MTARC1: variants seen among roughly 807,000 people sequenced by gnomAD.
MTARC1 encodes mitochondrial amidoxime reducing component 1, also known as mitochondrial amidoxime-reducing component 1.
In MTARC1, 24 loss-of-function variants were observed where a neutral mutation model predicts 33.6. That is an observed-to-expected ratio of 0.72 (90% CI 0.52 to 1.01). The LOEUF is 1.01. MTARC1 is among the 50% of genes least tolerant of loss of function. The pLI is 0.00. For synonymous variants in MTARC1, 187 were observed against 189.5 expected (o/e 0.99, Z 0.11); for missense variants, 417 against 445.7 (o/e 0.94, Z 0.58).
chr1:220,805,318 G>C, intron 6 of MTARC1, 44 bp downstream of exon 6: 1 of 1,602,164 alleles, frequency 6.2e-7, no homozygotes, highest in Non-Finnish European at 8.5e-7. Context: ...TTAGGTGCCG[G>C]GAACGGAAGC....
intron 1 of MTARC1, among the ~76,000 whole-genome samples, chr1:220,788,402 C>T (rs1057216288): frequency 2.0e-5 from 3 of 152,204 alleles, no homozygotes; most frequent in African/African-American, 7.2e-5. Flanking sequence ...TTTCTCCTAC[C>T]AGCTCCCCAG....
At chr1:220,803,859 T>TGCGCTAATCCGCTGTGCCC (rs142717156) in intron 4 of MTARC1, among the ~76,000 whole-genome samples, 1 of 152,192 alleles carries the variant, frequency 6.6e-6, no homozygotes. Context: ...AGGCTGTGGC[T>TGCGCTAATCCGCTGTGCCC]GTGCTAATCC....
intron 4 of MTARC1, among the ~76,000 whole-genome samples, chr1:220,803,659 T>C (rs950439700): frequency 6.6e-6 from 1 of 151,980 alleles, no homozygotes; most frequent in Non-Finnish European, 1.5e-5. Flanking sequence ...AAGACTTTCC[T>C]GGGCTCATCA....
chr1:220,798,147 T>A, intron 4 of MTARC1, 133 bp downstream of exon 4: 1 of 1,605,086 alleles, frequency 6.2e-7, no homozygotes, highest in Middle Eastern at 1.7e-4. Context: ...CAATTTGATT[T>A]TTAGATTTAT....
intron 3 of MTARC1, 112 bp downstream of exon 3, chr1:220,796,917 T>C (rs2102594000): frequency 8.9e-7 from 1 of 1,122,702 alleles, no homozygotes. Flanking sequence ...AGCCCTCTGG[T>C]AGCTCAGATC....
At chr1:220,798,124 CTG>C (rs1325656531) in intron 4 of MTARC1, 110 bp downstream of exon 4, 3 of 1,610,686 alleles carry the variant, frequency 1.9e-6, no homozygotes, top group Admixed American at 1.7e-5. Context: ...TTTATCAACT[CTG>C]TAATACATAA....
At chr1:220,787,465 C>A (rs1181517936) in intron 1 of MTARC1, among the ~76,000 whole-genome samples, 1 of 152,190 alleles carries the variant, frequency 6.6e-6, no homozygotes, top group African/African-American at 2.4e-5. Context: ...ATCTCCACCT[C>A]CCACTGGCTC....
chr1:220,788,007 CAAAA>C (rs998849065), intron 1 of MTARC1, among the ~76,000 whole-genome samples: 2 of 150,550 alleles, frequency 1.3e-5, no homozygotes, highest in Non-Finnish European at 3.0e-5. Flanking sequence ...GACTCCGAAT[CAAAA>C]AAAGAAAGAA....
At chr1:220,798,201 G>A (rs1672682647) in intron 4 of MTARC1, 187 bp downstream of exon 4, 5 of 1,525,022 alleles carry the variant, frequency 3.3e-6, no homozygotes, top group Middle Eastern at 1.7e-4. Flanking sequence ...GGATACAAAT[G>A]TTGATGGGTC....
chr1:220,801,454 C>T (rs1672804478), intron 4 of MTARC1, among the ~76,000 whole-genome samples: 1 of 152,148 alleles, frequency 6.6e-6, no homozygotes, highest in Non-Finnish European at 1.5e-5. Flanking sequence ...GCTGTATCTC[C>T]AGCCCCTAGG....
At chr1:220,813,167 G>T in intron 6 of MTARC1, 125 bp from the exon 7 acceptor site, 1 of 1,319,090 alleles carries the variant, frequency 7.6e-7, no homozygotes, top group Non-Finnish European at 1.1e-6. Flanking sequence ...GTTCTGTTGA[G>T]CTTTGACGGG....
chr1:220,795,306 C>T (rs1277035543), intron 2 of MTARC1, among the ~76,000 whole-genome samples: 1 of 152,074 alleles, frequency 6.6e-6, no homozygotes, highest in East Asian at 1.9e-4. Flanking sequence ...AACTGAGTCT[C>T]AGAATAAGAA....
In MTARC1 at chr1:220,815,898, G is replaced by A. The variant is rs1297183612; in HGVS notation, c.*2480G>A. On this transcript the variant is annotated 3_prime_UTR_variant, in exon 7 of 7. Coordinates refer to ENST00000366910, the MANE Select transcript of MTARC1 (RefSeq NM_022746.4). The stretch of plus-strand genomic sequence containing the variant: ...TCACAAACTCAGAGCTGGAGGTCTT[G>A]AAAAGGACAATGTGGGCCAGGCTCC... 6.6e-6 allele frequency: 1 copy of A among 152,232 alleles called. No individual in the cohort carries two copies. The highest frequency in any genetic ancestry group is 1.5e-5 in the Non-Finnish European group (1 of 68,056). The allele number at this position is 152,232 out of a possible 1,614,324, so 9.4% of individuals were successfully genotyped here.
At position 220,805,340 on chromosome 1, in the gene MTARC1, C is replaced by G. The variant is rs72472336; in HGVS notation, c.887+66C>G. ...CCGGGAACGGAAGCAATATTTGTTG[C>G]TTAATGTTTATAAGAGGAAGCAGTG... On this transcript the variant is annotated intron_variant, in intron 6 of 6. Coordinates refer to ENST00000366910, the MANE Select transcript of MTARC1 (RefSeq NM_022746.4). 10,535 of 1,560,936 alleles carry G rather than the reference C, an allele frequency of 6.7e-3. 244 individuals are homozygous for G. Among genetic ancestry groups the G allele is most frequent in the East Asian group, 0.053 (2,349 of 44,628 alleles).
At position 220,805,760 on chromosome 1, in the gene MTARC1, T is replaced by G. The variant is rs75955773; in HGVS notation, c.887+486T>G. On this transcript the variant is annotated intron_variant, in intron 6 of 6. Transcript: ENST00000366910. ...ACATTTTAAAAATGTGTCACAATCT[T>G]CATAAATAGAATCTGGGTGATAATT... Among the ~76,000 whole-genome samples, 34 of 152,342 alleles carry G rather than the reference T, an allele frequency of 2.2e-4. No individual in the cohort carries two copies. The East Asian group carries it at 4.4e-3, about 20-fold the overall frequency.
At chr1:220,793,244 T>A (rs1558084916) in intron 2 of MTARC1, 1 of 152,240 alleles carries the variant, frequency 6.6e-6, no homozygotes, top group African/African-American at 2.4e-5. Flanking sequence ...CTGTATTTCA[T>A]GTTTGTCCAT....
intron 1 of MTARC1, chr1:220,791,081 C>G (rs1672405084): frequency 5.9e-6 from 1 of 169,592 alleles, no homozygotes; most frequent in Non-Finnish European, 1.3e-5. Context: ...TGACAAGAGC[C>G]CGTTGCCTAC....
intron 6 of MTARC1, among the ~76,000 whole-genome samples, chr1:220,810,373 A>G (rs72472354): frequency 2.2e-3 from 328 of 152,282 alleles, no homozygotes; most frequent in African/African-American, 7.7e-3. Context: ...CTTCCGCAGC[A>G]GTAGCAAGAG....
intron 4 of MTARC1, among the ~76,000 whole-genome samples, chr1:220,799,883 G>A (rs186321341): frequency 3.3e-5 from 5 of 152,314 alleles, no homozygotes; most frequent in African/African-American, 9.6e-5. Context: ...TGACTCCCTC[G>A]CCTGATGGGA....
Sources: allele counts gnomAD v4.1 joint callset (sites outside exome capture counted in the v4.1 genomes callset), GRCh38; gene constraint gnomAD v4.1.1; transcripts MANE v1.5; gene names NCBI Gene and HGNC (gene_info 2026-07-23, HGNC 2026-07-21).